VPS53: variants seen among roughly 807,000 people sequenced by gnomAD.
The protein encoded by VPS53 is VPS53 subunit of GARP complex.
Under a neutral mutation model 107.0 loss-of-function variants are expected in VPS53, and 70 were observed. The ratio of observed to expected loss-of-function variants is 0.65; its 90% CI spans 0.54 to 0.80. VPS53 has a LOEUF of 0.80. Among genes scored for constraint, VPS53 ranks in the 30% least tolerant of loss-of-function variants. VPS53 has a pLI of 0.00. For missense variants in VPS53, 917 were observed against 1,049.4 expected (o/e 0.87, Z 1.74); for synonymous variants, 409 against 393.3 (o/e 1.04, Z -0.47).
chr17:605,028 C>T (rs145435379), intron 11 of VPS53, among the ~76,000 whole-genome samples: 4 of 152,262 alleles, frequency 2.6e-5, no homozygotes, highest in African/African-American at 7.2e-5. Context: ...GTCATGGAAA[C>T]GTGCAACAGA....
intron 19 of VPS53, among the ~76,000 whole-genome samples, chr17:523,898 T>C (rs1429283737): frequency 1.3e-5 from 2 of 152,186 alleles, no homozygotes. Flanking sequence ...TAGCGCACTT[T>C]CCAGAATTCC....
rs757649484 is a variant in VPS53 at position 514,736 on chromosome 17, T to C, written c.*4392A>G. On this transcript the variant is annotated 3_prime_UTR_variant, in exon 22 of 22. Coordinates refer to ENST00000437048, the MANE Select transcript of VPS53 (RefSeq NM_001128159.3). ...CAGCCTCGGACCTGCCCCCACGCTC[T>C]GCGTGCCCTGTACTGGTCATGCTGG... 1 of 152,766 alleles carries C rather than the reference T, an allele frequency of 6.5e-6. No individual in the cohort carries two copies. Among genetic ancestry groups the C allele is most frequent in the Non-Finnish European group, 1.5e-5 (1 of 68,488 alleles). The allele number at this position is 152,766 out of a possible 1,614,324, so 9.5% of individuals were successfully genotyped here.
chr17:604,180 G>C (rs1335222015), intron 11 of VPS53, among the ~76,000 whole-genome samples: 1 of 152,126 alleles, frequency 6.6e-6, no homozygotes, highest in Non-Finnish European at 1.5e-5. Flanking sequence ...TGTGTTATTG[G>C]AAATCATGGC....
intron 7 of VPS53, 82 bp from the exon 8 acceptor site, chr17:631,710 G>A: frequency 7.6e-7 from 1 of 1,320,864 alleles, no homozygotes; most frequent in Non-Finnish European, 1.1e-6. Context: ...CGGAAGGGCT[G>A]AAGTCTTTCG....
rs1465220028 is a variant in VPS53 at position 586,283 on chromosome 17, C to A, written c.1300G>T (p.Glu434Ter). Residue 434 changes from glutamate (E) to a stop codon, truncating the protein, a stop_gained, in exon 13 of 22, where the codon GAA becomes TAA. Transcript: ENST00000437048. LOFTEE classifies it high-confidence loss of function. ...TTCCTCACTCACTTGTCTTGGGATT[C>A]GATATACACGTAGAGATGAGGCTCA... ...CFEPHLYVYI[E>*]SQDKNLGELI... 6.2e-7 allele frequency: 1 copy of A among 1,613,734 alleles called. No homozygotes were observed. The highest frequency in any genetic ancestry group is 1.7e-5 in the Admixed American group (1 of 59,980).
intron 4 of VPS53, among the ~76,000 whole-genome samples, chr17:668,405 G>A (rs142801694): frequency 2.0e-5 from 3 of 152,256 alleles, no homozygotes; most frequent in East Asian, 3.9e-4. Context: ...GAATAAGTGC[G>A]CTCATAACCA....
intron 13 of VPS53, among the ~76,000 whole-genome samples, chr17:576,342 G>C (rs1914608923): frequency 2.0e-5 from 3 of 150,270 alleles, no homozygotes; most frequent in Non-Finnish European, 3.0e-5. Flanking sequence ...CGCTTTCCCA[G>C]ACAACCTCCC....
At chr17:585,972 C>A (rs1276736600) in intron 13 of VPS53, among the ~76,000 whole-genome samples, 1 of 152,094 alleles carries the variant, frequency 6.6e-6, no homozygotes, top group African/African-American at 2.4e-5. Context: ...CAGTGCCTGA[C>A]ACTGTAAAGC....
At chr17:658,649 G>A (rs112389118) in intron 5 of VPS53, among the ~76,000 whole-genome samples, 4 of 132,052 alleles carry the variant, frequency 3.0e-5, no homozygotes, top group Admixed American at 2.2e-4. Flanking sequence ...TGAGATACTC[G>A]GCCGTGAGTT....
intron 11 of VPS53, among the ~76,000 whole-genome samples, chr17:619,029 A>ATG (rs1265868417): frequency 5.2e-4 from 33 of 62,902 alleles, no homozygotes; most frequent in South Asian, 1.2e-3. Context: ...CTACAGGCGC[A>ATG]CACCACCACG....
At chr17:553,491 C>T (rs372796553) in intron 15 of VPS53, 29 bp from the exon 16 acceptor site, 77 of 1,521,604 alleles carry the variant, frequency 5.1e-5, no homozygotes, top group Middle Eastern at 3.4e-4. Flanking sequence ...AATGGATGCA[C>T]GGTTAATGAT....
rs113446182 is a variant in VPS53, at chr17:565,790, T to C, written c.1314-3045A>G. ...CTGGCCAAAACGCTCTCCCACCACC[T>C]GTCCACTCCCCTTTCAAGCTCATCC... On this transcript the variant is annotated intron_variant, in intron 13 of 21. Transcript: ENST00000437048. Among the ~76,000 whole-genome samples, 330 of 152,268 alleles carry C rather than the reference T, an allele frequency of 2.2e-3. 1 individual carries two copies. Among genetic ancestry groups the C allele is most frequent in the Middle Eastern group, 3.4e-3 (1 of 294 alleles).
chr17:562,615 T>G lies in VPS53; in HGVS notation c.1444A>C (p.Met482Leu), dbSNP rs780241242. The G allele has an allele frequency of 1.2e-6, 2 of 1,614,040 alleles. No homozygotes were observed. The highest frequency in any genetic ancestry group is 1.7e-6 in the Non-Finnish European group (2 of 1,180,006). The change falls in exon 14 of 22, where the codon ATG becomes CTG. Residue 482 changes from methionine to leucine, a missense_variant. Physicochemically the swap from Met to Leu is conservative, Grantham distance 15 (BLOSUM62 2). Coordinates refer to ENST00000437048, the MANE Select transcript of VPS53 (RefSeq NM_001128159.3). ...ADLFVYYKKC[M>L]VQCSQLSTGE... Reference sequence around the variant, plus strand: ...GTACTGAGCTGAGAGCATTGCACCATGCACTTCTTGTAGTAGACAAAGAGG... The same window carrying G: ...GTACTGAGCTGAGAGCATTGCACCAGGCACTTCTTGTAGTAGACAAAGAGG...
chr17:560,585 G>A lies in VPS53; in HGVS notation c.1557-12C>T. 3 of 1,611,420 alleles carry A rather than the reference G, an allele frequency of 1.9e-6. No individual in the cohort carries two copies. The highest frequency in any genetic ancestry group is 2.5e-6 in the Non-Finnish European group (3 of 1,178,442). Reference sequence around the variant, plus strand: ...TGCTGGTTGTGGTTCTGAAGAAAAGGAACAGGAACAAGTCAGCATGGAATT... The same window carrying A: ...TGCTGGTTGTGGTTCTGAAGAAAAGAAACAGGAACAAGTCAGCATGGAATT... On this transcript the variant is annotated splice_polypyrimidine_tract_variant and intron_variant, in intron 14 of 21. Coordinates refer to ENST00000437048, the MANE Select transcript of VPS53 (RefSeq NM_001128159.3).
intron 11 of VPS53, among the ~76,000 whole-genome samples, chr17:602,741 C>T (rs1001025439): frequency 6.6e-6 from 1 of 152,216 alleles, no homozygotes; most frequent in African/African-American, 2.4e-5. Context: ...AGAAGCAGCA[C>T]ATGATACACA....
At chr17:642,870 T>TCATACTTGGAAAC (rs1970490118) in intron 7 of VPS53, among the ~76,000 whole-genome samples, 1 of 73,162 alleles carries the variant, frequency 1.4e-5, no homozygotes, top group Admixed American at 1.4e-4. Flanking sequence ...TACTTGGAAA[T>TCATACTTGGAAAC]CGAGGACAAC....
At chr17:624,192 A>T (rs73975716) in intron 10 of VPS53, among the ~76,000 whole-genome samples, 3,994 of 152,184 alleles carry the variant, frequency 0.026, 64 homozygotes, top group East Asian at 0.07. Context: ...ATCTTTGAAC[A>T]GTTTAATAAT....
intron 1 of VPS53, 89 bp from the exon 2 acceptor site, chr17:710,702 G>A (rs1212285402): frequency 1.6e-5 from 16 of 1,016,050 alleles, no homozygotes; most frequent in East Asian, 1.1e-4. Flanking sequence ...GGAAAGGGCC[G>A]GGCACGGTGG....
At chr17:688,806 C>CTGAT in intron 4 of VPS53, among the ~76,000 whole-genome samples, 1 of 152,350 alleles carries the variant, frequency 6.6e-6, no homozygotes, top group Non-Finnish European at 1.5e-5. Context: ...CTACAAAAGG[C>CTGAT]TGATCTAACA....
Sources: gnomAD v4.1 joint callset for allele counts (sites outside exome capture counted in the v4.1 genomes callset) on GRCh38, gnomAD v4.1.1 for gene constraint, MANE v1.5 for transcripts, NCBI Gene and HGNC (gene_info 2026-07-23, HGNC 2026-07-21) for gene names.